NKAIN2: variants seen among roughly 807,000 people sequenced by gnomAD.
The protein encoded by NKAIN2 is sodium/potassium transporting ATPase interacting 2.
Under a neutral mutation model 32.6 loss-of-function variants are expected in NKAIN2, and 14 were observed. The ratio of observed to expected loss-of-function variants is 0.43; its 90% CI spans 0.28 to 0.67. The LOEUF is 0.67. Among genes scored for constraint, NKAIN2 ranks in the 30% least tolerant of loss-of-function variants. The pLI, the probability that NKAIN2 is intolerant of heterozygous loss-of-function variation, is 0.17. For missense variants in NKAIN2, 198 were observed against 258.3 expected (o/e 0.77, Z 1.60); for synonymous variants, 80 against 87.2 (o/e 0.92, Z 0.46).
chr6:124,268,475 T>C lies in NKAIN2; in HGVS notation c.55-14530T>C, dbSNP rs530638572. Among the ~76,000 whole-genome samples the C allele has an allele frequency of 2.0e-4, 31 of 152,234 alleles. No homozygotes were observed. The East Asian group carries it at 4.3e-3, about 21-fold the overall frequency. ...CAATAGAAGGAAAGTCGTTAGGAGA[T>C]AGAAGACTGACAGCACAGCAGCAAT... is the stretch of plus-strand genomic sequence containing the variant. On this transcript the variant is annotated intron_variant, in intron 1 of 6. Transcript: ENST00000368417.
intron 4 of NKAIN2, among the ~76,000 whole-genome samples, chr6:124,760,423 A>AG (rs1275832736): frequency 6.9e-6 from 1 of 145,492 alleles, no homozygotes; most frequent in African/African-American, 2.5e-5. Context: ...AAAGTTAAAA[A>AG]AAAAAAATAG....
intron 1 of NKAIN2, among the ~76,000 whole-genome samples, chr6:123,991,746 C>G (rs1779421646): frequency 6.6e-6 from 1 of 151,914 alleles, no homozygotes; most frequent in Non-Finnish European, 1.5e-5. Flanking sequence ...CCTGTAGTCC[C>G]AGCTACTCAG....
At chr6:124,464,987 T>C (rs1776686626) in intron 3 of NKAIN2, among the ~76,000 whole-genome samples, 1 of 152,114 alleles carries the variant, frequency 6.6e-6, no homozygotes, top group African/African-American at 2.4e-5. Flanking sequence ...ATATTGATTC[T>C]TCCTATCCAT....
Position 124,154,365 on chromosome 6 carries a change from A to G in NKAIN2, c.55-128640A>G, listed in dbSNP as rs146144700. Among the ~76,000 whole-genome samples, 51 of 152,030 alleles carry G rather than the reference A, an allele frequency of 3.4e-4. No individual in the cohort carries two copies. The East Asian group carries it at 8.3e-3, about 25-fold the overall frequency. The stretch of plus-strand genomic sequence containing the variant: ...TTCATAGCCATGCTTACTTCCTTTC[A>G]TAAGCAATGTAAGGTTTTTTCCTTG... On this transcript the variant is annotated intron_variant, in intron 1 of 6. Coordinates refer to ENST00000368417, the MANE Select transcript of NKAIN2 (RefSeq NM_001040214.3).
intron 1 of NKAIN2, among the ~76,000 whole-genome samples, chr6:124,217,652 A>G (rs1439164706): frequency 2.0e-5 from 3 of 152,120 alleles, no homozygotes; most frequent in African/African-American, 7.2e-5. Flanking sequence ...CTCATCCTGG[A>G]ATTCCAATTG....
intron 1 of NKAIN2, among the ~76,000 whole-genome samples, chr6:124,271,972 G>A (rs1008037022): frequency 4.6e-5 from 7 of 152,176 alleles, no homozygotes; most frequent in Non-Finnish European, 8.8e-5. Flanking sequence ...GCATTCAAGA[G>A]GTGACTTGGG....
rs57709939 is a variant in NKAIN2, at chr6:124,497,451, T to A, written c.273+142104T>A. On this transcript the variant is annotated intron_variant, in intron 3 of 6. Coordinates refer to ENST00000368417, the MANE Select transcript of NKAIN2 (RefSeq NM_001040214.3). ...GGCTTTTCACAGCGAAGAAGGGGATTTTAATGAAAATGCCACTTTTAATAA... is the reference window on the plus strand; with the variant it reads ...GGCTTTTCACAGCGAAGAAGGGGATATTAATGAAAATGCCACTTTTAATAA... Among the ~76,000 whole-genome samples, 941 of 152,244 alleles carry A rather than the reference T, an allele frequency of 6.2e-3. 10 individuals carry two copies. Among genetic ancestry groups the A allele is most frequent in the African/African-American group, 0.021 (884 of 41,542 alleles).
At chr6:124,410,349 T>C (rs557812564) in intron 3 of NKAIN2, among the ~76,000 whole-genome samples, 1 of 152,360 alleles carries the variant, frequency 6.6e-6, no homozygotes, top group Non-Finnish European at 1.5e-5. Context: ...AATTTCCCTC[T>C]ACACACTGCT....
intron 1 of NKAIN2, among the ~76,000 whole-genome samples, chr6:124,216,045 G>C (rs1421558735): frequency 6.6e-6 from 1 of 150,836 alleles, no homozygotes; most frequent in East Asian, 2.0e-4. Flanking sequence ...TTGAACCCGG[G>C]AGGCAGAGGT....
At chr6:124,406,793 T>C (rs945976517) in intron 3 of NKAIN2, among the ~76,000 whole-genome samples, 9 of 152,128 alleles carry the variant, frequency 5.9e-5, no homozygotes, top group African/African-American at 9.7e-5. Flanking sequence ...TGCTATATAA[T>C]TGTGGTTTTA....
At chr6:124,660,923 T>A (rs189018846) in intron 4 of NKAIN2, among the ~76,000 whole-genome samples, 11 of 152,342 alleles carry the variant, frequency 7.2e-5, no homozygotes, top group Admixed American at 3.9e-4. Context: ...TTCATTCTGA[T>A]CACTGATGTA....
At chr6:124,215,826 A>AG (rs1270243025) in intron 1 of NKAIN2, among the ~76,000 whole-genome samples, 2 of 152,170 alleles carry the variant, frequency 1.3e-5, no homozygotes, top group Non-Finnish European at 2.9e-5. Context: ...AGACTGTTAA[A>AG]GATAGTCCTG....
At chr6:124,539,112 CTAAG>C (rs1466996057) in intron 3 of NKAIN2, among the ~76,000 whole-genome samples, 7 of 152,220 alleles carry the variant, frequency 4.6e-5, no homozygotes, top group African/African-American at 1.7e-4. Context: ...ATATTTGACA[CTAAG>C]TAGAGATTCA....
intron 4 of NKAIN2, among the ~76,000 whole-genome samples, chr6:124,757,635 T>C (rs1477944404): frequency 6.8e-6 from 1 of 146,924 alleles, no homozygotes; most frequent in African/African-American, 2.4e-5. Context: ...ATATGTGTTA[T>C]GTTTTCCAAA....
intron 1 of NKAIN2, among the ~76,000 whole-genome samples, chr6:123,863,411 C>T (rs1775863895): frequency 6.6e-6 from 1 of 152,082 alleles, no homozygotes; most frequent in Non-Finnish European, 1.5e-5. Flanking sequence ...TATGTTTTAC[C>T]ACCTTATCTT....
chr6:123,975,246 C>T (rs1778506448), intron 1 of NKAIN2, among the ~76,000 whole-genome samples: 2 of 151,978 alleles, frequency 1.3e-5, no homozygotes, highest in Non-Finnish European at 2.9e-5. Flanking sequence ...TATTATAATT[C>T]GTTTTTAAAG....
intron 1 of NKAIN2, among the ~76,000 whole-genome samples, chr6:124,060,109 G>A (rs937987019): frequency 1.3e-5 from 2 of 152,124 alleles, no homozygotes; most frequent in African/African-American, 2.4e-5. Context: ...ATGTGCTCTC[G>A]AGAAATATCC....
At chr6:124,012,110 T>G (rs1780358536) in intron 1 of NKAIN2, among the ~76,000 whole-genome samples, 1 of 152,086 alleles carries the variant, frequency 6.6e-6, no homozygotes, top group Admixed American at 6.5e-5. Context: ...TGATATATTC[T>G]TATGTATGTA....
chr6:124,624,167 C>T (rs1783214592), intron 3 of NKAIN2, among the ~76,000 whole-genome samples: 1 of 152,098 alleles, frequency 6.6e-6, no homozygotes, highest in African/African-American at 2.4e-5. Context: ...AGACATCAGT[C>T]TAAGGGATCA....
Sources: gnomAD v4.1 joint callset for allele counts (sites outside exome capture counted in the v4.1 genomes callset) on GRCh38, gnomAD v4.1.1 for gene constraint, MANE v1.5 for transcripts, NCBI Gene and HGNC (gene_info 2026-07-23, HGNC 2026-07-21) for gene names.